Variants in SLC14A2 observed in about 807,000 individuals in gnomAD.
SLC14A2 encodes solute carrier family 14 member 2.
SLC14A2 carries 91 observed loss-of-function variants against 104.6 expected under a neutral mutation model. That is an observed-to-expected ratio of 0.87 (90% CI 0.73 to 1.04). The LOEUF (loss-of-function observed/expected upper bound fraction) is 1.04, where lower values mean the gene tolerates loss of function less well. Ranked by LOEUF, SLC14A2 falls within the 50% of genes least tolerant of loss-of-function variation. The probability of loss-of-function intolerance (pLI) is 0.00; values close to 1 mark genes in which losing one functional copy is unlikely to be tolerated. For missense variants in SLC14A2, 1,189 were observed against 1,156.0 expected (o/e 1.03, Z -0.41); for synonymous variants, 476 against 466.4 (o/e 1.02, Z -0.27).
chr18:45,480,870 A>T (rs2087478717), intron 1 of SLC14A2, among the ~76,000 whole-genome samples: 1 of 152,204 alleles, frequency 6.6e-6, no homozygotes, highest in Non-Finnish European at 1.5e-5. Context: ...TTTAAAAAGC[A>T]GCATGAGTCA....
chr18:45,673,660 C>T, intron 17 of SLC14A2, 23 bp from the exon 18 acceptor site: 1 of 1,612,038 alleles, frequency 6.2e-7, no homozygotes, highest in Middle Eastern at 1.7e-4. Flanking sequence ...AGACCCAACC[C>T]TGATGCCTGC....
At chr18:45,477,533 C>G (rs1441927479) in intron 1 of SLC14A2, among the ~76,000 whole-genome samples, 1 of 152,222 alleles carries the variant, frequency 6.6e-6, no homozygotes, top group Non-Finnish European at 1.5e-5. Flanking sequence ...CTGCTGATCT[C>G]TTCAGAGTCG....
intron 2 of SLC14A2, among the ~76,000 whole-genome samples, chr18:45,560,953 A>G (rs1034101166): frequency 3.9e-5 from 6 of 152,324 alleles, no homozygotes; most frequent in African/African-American, 1.4e-4. Context: ...TTAACACGGA[A>G]AAAGTCAACT....
At chr18:45,547,062 AT>A (rs2043982080) in intron 2 of SLC14A2, among the ~76,000 whole-genome samples, 1 of 152,108 alleles carries the variant, frequency 6.6e-6, no homozygotes, top group Admixed American at 6.6e-5. Context: ...CTCCTTTCTG[AT>A]TAGGGCATGG....
At chr18:45,582,430 G>A (rs531990193) in intron 2 of SLC14A2, among the ~76,000 whole-genome samples, 1 of 151,910 alleles carries the variant, frequency 6.6e-6, no homozygotes, top group Non-Finnish European at 1.5e-5. Flanking sequence ...AGATAAGAAA[G>A]GATTTTTTCT....
chr18:45,458,260 A>G (rs2086980601), intron 1 of SLC14A2, among the ~76,000 whole-genome samples: 1 of 152,190 alleles, frequency 6.6e-6, no homozygotes, highest in African/African-American at 2.4e-5. Context: ...GCATTAATAT[A>G]AAAGCATCTC....
chr18:45,180,335 A>T, the SLC14A2 span, among the ~76,000 whole-genome samples: 2 of 152,118 alleles, frequency 1.3e-5, no homozygotes, highest in South Asian at 4.1e-4. Flanking sequence ...TGTTGTGAGG[A>T]TTAATTGAGT....
chr18:45,669,267 C>G, intron 15 of SLC14A2, 39 bp from the exon 16 acceptor site: 1 of 1,551,238 alleles, frequency 6.4e-7, no homozygotes, highest in East Asian at 2.2e-5. Flanking sequence ...TATGACCAGG[C>G]GGCTTCCTGA....
At chr18:45,188,804 T>A in the SLC14A2 span, among the ~76,000 whole-genome samples, 1 of 152,142 alleles carries the variant, frequency 6.6e-6, no homozygotes, top group South Asian at 2.1e-4. Context: ...AGAGATTAAG[T>A]ATGAGACAAA....
At chr18:45,649,660 C>T (rs948417355) in intron 10 of SLC14A2, among the ~76,000 whole-genome samples, 23 of 152,176 alleles carry the variant, frequency 1.5e-4, no homozygotes, top group Non-Finnish European at 1.5e-4. Context: ...GTGACATATT[C>T]TTTGACCCTT....
chr18:45,663,888 C>A lies in SLC14A2; in HGVS notation c.1455C>A (p.Ser485=). ...HRSVFHIEWS[S]IRRRSKVFGK... is the part of the protein sequence containing the mutation. ...GTGTATTTCACATCGAGTGGTCATC[C>A]ATTCGGAGGAGGAGCAAAGGTGTGC... Residue 485 remains serine, a synonymous_variant, in exon 11 of 20, where the codon TCC becomes TCA. Transcript: ENST00000255226. 6.2e-7 allele frequency: 1 copy of A among 1,613,066 alleles called. No individual in the cohort carries two copies. The highest frequency in any genetic ancestry group is 8.5e-7 in the Non-Finnish European group (1 of 1,179,680).
At chr18:45,218,381 C>T (rs569070378) in intron 1 of SLC14A2, among the ~76,000 whole-genome samples, 2 of 152,304 alleles carry the variant, frequency 1.3e-5, no homozygotes, top group South Asian at 4.1e-4. Flanking sequence ...CTATTGTATG[C>T]ATAGGCCACA....
At chr18:45,380,066 ATTC>A (rs1425337338) in intron 1 of SLC14A2, among the ~76,000 whole-genome samples, 1 of 152,244 alleles carries the variant, frequency 6.6e-6, no homozygotes, top group Non-Finnish European at 1.5e-5. Flanking sequence ...CAGATGACTC[ATTC>A]TTCTTATACC....
rs373649322 is a variant in SLC14A2 at position 45,475,658 on chromosome 18, T to G, written c.-124-7575T>G. On this transcript the variant is annotated intron_variant, in intron 1 of 20. Transcript: ENST00000586448. ...TATATTTAGGATATATATATATATA[T>G]ATATATATATATATATATATATATA... 1.7e-3 allele frequency among the ~76,000 whole-genome samples: 153 copies of G among 89,912 alleles called. 1 individual carries two copies. The highest frequency in any genetic ancestry group is 8.1e-3 in the East Asian group (19 of 2,340). The allele number at this position is 89,912 out of a possible 152,430, so 59.0% of individuals were successfully genotyped here. A position where few individuals can be genotyped will look rare whatever the true frequency, so the allele number is the denominator to read the frequency against.
chr18:45,327,818 A>T (rs1599677978), intron 1 of SLC14A2, among the ~76,000 whole-genome samples: 1 of 152,248 alleles, frequency 6.6e-6, no homozygotes, highest in South Asian at 2.1e-4. Flanking sequence ...ATGTATATTT[A>T]CCTAAATTAT....
chr18:45,249,073 T>C (rs933956649), intron 1 of SLC14A2, among the ~76,000 whole-genome samples: 1 of 152,216 alleles, frequency 6.6e-6, no homozygotes, highest in African/African-American at 2.4e-5. Context: ...ACCTCTAAGA[T>C]AGCAAGCACA....
In SLC14A2 at chr18:45,235,871, A is replaced by G. The variant is rs181892873; in HGVS notation, c.-125+22680A>G. On this transcript the variant is annotated intron_variant, in intron 1 of 20. Coordinates refer to the SLC14A2 transcript ENST00000586448. ...TGTATATATACATATATGTGTGTAT[A>G]TATGTATATATACATATATGTGTGT... 5.1e-3 allele frequency among the ~76,000 whole-genome samples: 519 copies of G among 100,972 alleles called. 63 individuals are homozygous for G. Among genetic ancestry groups the G allele is most frequent in the East Asian group, 0.015 (60 of 4,024 alleles). The allele number at this position is 100,972 out of a possible 152,430, so 66.2% of individuals were successfully genotyped here.
At chr18:45,551,937 A>G (rs2044062196) in intron 2 of SLC14A2, among the ~76,000 whole-genome samples, 1 of 152,222 alleles carries the variant, frequency 6.6e-6, no homozygotes. Context: ...ACTATTGCAT[A>G]GTATTCATAA....
intron 1 of SLC14A2, among the ~76,000 whole-genome samples, chr18:45,424,811 A>G (rs1057451657): frequency 1.4e-4 from 22 of 152,364 alleles, no homozygotes; most frequent in African/African-American, 5.0e-4. Context: ...TCCAACTCCA[A>G]CTTCCAAGTT....
Sources: allele counts gnomAD v4.1 joint callset (sites outside exome capture counted in the v4.1 genomes callset), GRCh38; gene constraint gnomAD v4.1.1; transcripts MANE v1.5; gene names NCBI Gene and HGNC (gene_info 2026-07-23, HGNC 2026-07-21).